CPED1: variants seen among roughly 807,000 people sequenced by gnomAD.
CPED1 encodes the protein cadherin like and PC-esterase domain containing 1, also known as cadherin-like and PC-esterase domain-containing protein 1.
A neutral mutation model predicts 128.2 loss-of-function variants in CPED1; 114 were observed. That is an observed-to-expected ratio of 0.89 (90% CI 0.76 to 1.04). The LOEUF (loss-of-function observed/expected upper bound fraction) is 1.04. Among genes scored for constraint, CPED1 ranks in the 50% least tolerant of loss-of-function variants. CPED1 has a pLI of 0.00. For synonymous variants in CPED1, 462 were observed against 426.7 expected, an observed-to-expected ratio of 1.08 and a Z score of -1.02; for missense variants, 1,211 against 1,207.1, an observed-to-expected ratio of 1.00 and a Z score of -0.05.
chr7:121,065,692 A>G lies in CPED1; in HGVS notation c.616+1379A>G, dbSNP rs1477450783. 3.3e-5 allele frequency among the ~76,000 whole-genome samples: 5 copies of G among 152,228 alleles called. No individual in the cohort carries two copies. The East Asian group carries it at 9.6e-4, about 29-fold the overall frequency. ...CCCCAAGCAATTCTTACATAAGTTTATATTTTACATTTGCTTCTGTAAAAC... is the reference window on the plus strand; with the variant it reads ...CCCCAAGCAATTCTTACATAAGTTTGTATTTTACATTTGCTTCTGTAAAAC... On this transcript the variant is annotated intron_variant, in intron 5 of 22. Transcript: ENST00000310396.
At chr7:121,046,664 AT>A (rs1793207821) in intron 3 of CPED1, among the ~76,000 whole-genome samples, 4 of 151,960 alleles carry the variant, frequency 2.6e-5, no homozygotes, top group Non-Finnish European at 5.9e-5. Context: ...AGACAATTAC[AT>A]TTTCTATAGA....
At chr7:121,236,909 CCTTTTATAAAAAAACAAGGGCATTA>C in intron 17 of CPED1, 78 bp downstream of exon 17, 1 of 633,212 alleles carries the variant, frequency 1.6e-6, no homozygotes, top group Non-Finnish European at 2.6e-6. Context: ...TTTAAACTAT[CCTTTTATAAAAAAACAAGGGCATTA>C]CTTTTTATTG....
intron 3 of CPED1, among the ~76,000 whole-genome samples, chr7:121,042,302 C>T (rs1563002815): frequency 6.6e-6 from 1 of 152,068 alleles, no homozygotes; most frequent in Non-Finnish European, 1.5e-5. Context: ...GGGCACGATA[C>T]TCAGGTGAGG....
At chr7:121,107,900 A>T (rs974406089) in intron 7 of CPED1, among the ~76,000 whole-genome samples, 3 of 152,172 alleles carry the variant, frequency 2.0e-5, no homozygotes, top group Admixed American at 1.3e-4. Flanking sequence ...TTGTCTGCTG[A>T]AGGAAGACAG....
chr7:121,138,597 G>T (rs1177486336), intron 14 of CPED1, among the ~76,000 whole-genome samples: 1 of 152,042 alleles, frequency 6.6e-6, no homozygotes, highest in Non-Finnish European at 1.5e-5. Context: ...AGTTTCTAAG[G>T]AGGGCAGACC....
intron 4 of CPED1, among the ~76,000 whole-genome samples, chr7:121,057,526 C>T (rs1793533212): frequency 6.6e-6 from 1 of 152,126 alleles, no homozygotes; most frequent in Non-Finnish European, 1.5e-5. Flanking sequence ...TGAGAACATG[C>T]AGTATTTGAT....
chr7:121,223,558 T>C (rs1797935728), intron 16 of CPED1, among the ~76,000 whole-genome samples: 1 of 152,082 alleles, frequency 6.6e-6, no homozygotes, highest in Non-Finnish European at 1.5e-5. Context: ...TTTACCCCTG[T>C]TAGAATTTGG....
At chr7:121,070,008 T>C (rs1793948073) in intron 5 of CPED1, among the ~76,000 whole-genome samples, 1 of 152,076 alleles carries the variant, frequency 6.6e-6, no homozygotes, top group Non-Finnish European at 1.5e-5. Context: ...TATTCAAAGA[T>C]AGCATTTTGA....
chr7:121,224,179 A>G (rs1358291595), intron 16 of CPED1, among the ~76,000 whole-genome samples: 2 of 152,154 alleles, frequency 1.3e-5, no homozygotes, highest in Admixed American at 6.6e-5. Context: ...CATTGGTTTC[A>G]AAGAACATCT....
chr7:121,154,116 T>G (rs1376864386), intron 16 of CPED1, among the ~76,000 whole-genome samples: 1 of 152,244 alleles, frequency 6.6e-6, no homozygotes, highest in Non-Finnish European at 1.5e-5. Flanking sequence ...GTATGTACTG[T>G]GCTACTGTAA....
rs1056245385 is a variant in CPED1 at position 121,140,882 on chromosome 7, A to G, written c.1755A>G (p.Leu585=). 1 of 1,612,628 alleles carries G rather than the reference A, an allele frequency of 6.2e-7. No individual in the cohort carries two copies. Among genetic ancestry groups the G allele is most frequent in the Non-Finnish European group, 8.5e-7 (1 of 1,179,108 alleles). The part of the protein sequence containing the change: ...KQIFTHPHLE[L]NPDFHPKIKD... Reference sequence around the variant, plus strand: ...TCTTCACACATCCACATTTGGAACTAAATCCTGACTTTCATCCAAAGATCA... The same window carrying G: ...TCTTCACACATCCACATTTGGAACTGAATCCTGACTTTCATCCAAAGATCA... The change falls in exon 15 of 23, where the codon CTA becomes CTG. Residue 585 remains leucine (L), a synonymous_variant. Transcript: ENST00000310396.
At chr7:121,047,699 TCTTCTTCTTC>T (rs1793244177) in intron 4 of CPED1, among the ~76,000 whole-genome samples, 1 of 89,066 alleles carries the variant, frequency 1.1e-5, no homozygotes, top group African/African-American at 4.6e-5. Context: ...TTCTTCTTCT[TCTTCTTCTTC>T]TTCTTCTTTT....
intron 21 of CPED1, among the ~76,000 whole-genome samples, chr7:121,268,258 T>TA (rs1267609979): frequency 6.6e-6 from 1 of 152,090 alleles, no homozygotes; most frequent in African/African-American, 2.4e-5. Flanking sequence ...AGGACTCCAG[T>TA]AGCTCCACTG....
intron 16 of CPED1, among the ~76,000 whole-genome samples, chr7:121,150,475 T>C (rs1290708807): frequency 6.6e-6 from 1 of 152,126 alleles, no homozygotes; most frequent in Non-Finnish European, 1.5e-5. Context: ...CTAGGTTGAT[T>C]CCATGTCTTT....
At chr7:121,264,679 A>G (rs1259549585) in intron 18 of CPED1, among the ~76,000 whole-genome samples, 1 of 152,056 alleles carries the variant, frequency 6.6e-6, no homozygotes, top group Non-Finnish European at 1.5e-5. Flanking sequence ...TACCTAAGCA[A>G]TGATGGCAAT....
intron 4 of CPED1, among the ~76,000 whole-genome samples, chr7:121,052,894 T>G (rs1044342159): frequency 2.0e-5 from 3 of 152,086 alleles, no homozygotes; most frequent in African/African-American, 7.2e-5. Flanking sequence ...ATTTTTTTTA[T>G]TTTTAGTAGA....
Position 121,021,788 on chromosome 7 carries a change from C to T in CPED1, c.433+5940C>T, listed in dbSNP as rs1218524208. ...TAAGAATGGTACATAGTAATCACCC[C>T]ATAAACGGGAGATAATATTGTTACT... On this transcript the variant is annotated intron_variant, in intron 3 of 22. Transcript: ENST00000310396. 2.0e-5 allele frequency among the ~76,000 whole-genome samples: 3 copies of T among 152,040 alleles called. No individual in the cohort carries two copies. In the East Asian group the frequency reaches 5.8e-4, roughly 29 times the overall value.
intron 18 of CPED1, 67 bp from the exon 19 acceptor site, chr7:121,266,159 AT>A: frequency 8.0e-7 from 1 of 1,243,274 alleles, no homozygotes; most frequent in East Asian, 2.3e-5. Context: ...AAATTTCATT[AT>A]TTTAAACTAT....
At chr7:121,015,220 C>G (rs562362244) in intron 2 of CPED1, among the ~76,000 whole-genome samples, 1 of 152,166 alleles carries the variant, frequency 6.6e-6, no homozygotes, top group Non-Finnish European at 1.5e-5. Context: ...CACCTCGACC[C>G]CTTCCTGACC....
Sources: allele counts gnomAD v4.1 joint callset (sites outside exome capture counted in the v4.1 genomes callset), GRCh38; gene constraint gnomAD v4.1.1; transcripts MANE v1.5; gene names NCBI Gene and HGNC (gene_info 2026-07-23, HGNC 2026-07-21).